HIP1: variants seen among roughly 807,000 people sequenced by gnomAD.
The protein encoded by HIP1 is huntingtin-interacting protein 1.
In HIP1, 65 loss-of-function variants were observed where a neutral mutation model predicts 147.6. The observed-to-expected ratio is 0.44, with a 90% CI of 0.36 to 0.54. HIP1 has a LOEUF of 0.54. Ranked by LOEUF, HIP1 falls within the 20% of genes least tolerant of loss-of-function variation. The probability of loss-of-function intolerance (pLI) is 0.00; values close to 1 mark genes in which losing one functional copy is unlikely to be tolerated. For synonymous variants in HIP1, 479 were observed against 504.0 expected (o/e 0.95, Z 0.67); for missense variants, 1,061 against 1,299.6 (o/e 0.82, Z 2.82).
At chr7:75,645,361 G>T (rs6975217) in intron 1 of HIP1, among the ~76,000 whole-genome samples, 1,659 of 152,066 alleles carry the variant, frequency 0.011, 35 homozygotes, top group African/African-American at 0.038. Context: ...CGAGTAGCTG[G>T]GATTATAGGC....
chr7:75,681,314 G>C (rs973236862), intron 1 of HIP1, among the ~76,000 whole-genome samples: 1 of 151,966 alleles, frequency 6.6e-6, no homozygotes, highest in African/African-American at 2.4e-5. Flanking sequence ...CCTGCAATAA[G>C]AAGCATCTTC....
chr7:75,581,624 T>C (rs1450508297), intron 6 of HIP1, among the ~76,000 whole-genome samples: 3 of 151,906 alleles, frequency 2.0e-5, no homozygotes, highest in African/African-American at 7.3e-5. Context: ...ACTAAAAATA[T>C]AAAAATTAGC....
intron 1 of HIP1, among the ~76,000 whole-genome samples, chr7:75,682,263 AT>A (rs1491075563): frequency 1.4e-5 from 2 of 147,982 alleles, no homozygotes; most frequent in African/African-American, 2.6e-5. Context: ...GCCTATCATC[AT>A]TTTTTTTTAA....
intron 1 of HIP1, among the ~76,000 whole-genome samples, chr7:75,667,909 AT>A (rs1399371464): frequency 1.3e-5 from 2 of 152,234 alleles, no homozygotes; most frequent in Non-Finnish European, 2.9e-5. Flanking sequence ...AGTGACTTTG[AT>A]TTTATAAAAC....
chr7:75,544,586 C>T, intron 27 of HIP1, 109 bp downstream of exon 27: 3 of 725,884 alleles, frequency 4.1e-6, no homozygotes, highest in South Asian at 1.5e-5. Context: ...TGGCCAAGTA[C>T]TCTCTAACTC....
chr7:75,547,004 G>A lies in HIP1; in HGVS notation c.2494C>T (p.Gln832Ter). The A allele has an allele frequency of 6.3e-7, 1 of 1,586,708 alleles. No homozygotes were observed. Among genetic ancestry groups the A allele is most frequent in the South Asian group, 1.2e-5 (1 of 86,788 alleles). Residue 832 changes from glutamine to a stop codon, truncating the protein, a stop_gained, in exon 25 of 31, where the codon CAA (glutamine) becomes TAA (stop). Coordinates refer to ENST00000336926, the MANE Select transcript of HIP1 (RefSeq NM_005338.7). LOFTEE classifies it high-confidence loss of function. ...RILGCCTSLM[Q>*]AIQVLIVASK... ...GCCACGATGAGCACCTGAATAGCTT[G>A]CATGAGGCTGGTACAGCAACCAAGG...
chr7:75,623,990 A>G (rs1797944844), intron 1 of HIP1, among the ~76,000 whole-genome samples: 1 of 152,138 alleles, frequency 6.6e-6, no homozygotes, highest in Non-Finnish European at 1.5e-5. Context: ...TGAGGGCAGG[A>G]GGATCACTCG....
chr7:75,551,384 T>G (rs1281850488), intron 22 of HIP1, among the ~76,000 whole-genome samples: 1 of 151,070 alleles, frequency 6.6e-6, no homozygotes, highest in Non-Finnish European at 1.5e-5. Flanking sequence ...ACTGGCTAAT[T>G]TTGTATTTTT....
chr7:75,714,204 T>G, intron 1 of HIP1, among the ~76,000 whole-genome samples: 1 of 151,022 alleles, frequency 6.6e-6, no homozygotes, highest in East Asian at 2.0e-4. Flanking sequence ...CATGCCCGGC[T>G]AATTTTTGTA....
chr7:75,607,233 GT>G (rs375132943), intron 1 of HIP1, among the ~76,000 whole-genome samples: 43 of 135,004 alleles, frequency 3.2e-4, no homozygotes, highest in Middle Eastern at 3.8e-3. Flanking sequence ...TTTTTGTTTT[GT>G]TTTTTTTTTT....
At chr7:75,696,441 T>C (rs911060850) in intron 1 of HIP1, among the ~76,000 whole-genome samples, 26 of 152,074 alleles carry the variant, frequency 1.7e-4, no homozygotes, top group Non-Finnish European at 1.9e-4. Context: ...GCCATTCTGC[T>C]ACTTTAGCTA....
At chr7:75,552,958 G>A (rs1422178153) in intron 22 of HIP1, among the ~76,000 whole-genome samples, 2 of 143,994 alleles carry the variant, frequency 1.4e-5, no homozygotes, top group African/African-American at 5.2e-5. Flanking sequence ...TTTTTTTTTC[G>A]AGATAGATCT....
intron 1 of HIP1, among the ~76,000 whole-genome samples, chr7:75,707,894 C>G (rs1230595252): frequency 5.4e-5 from 7 of 129,820 alleles, no homozygotes; most frequent in African/African-American, 2.1e-4. Flanking sequence ...ACTGGCTAGC[C>G]ATATGTAGAA....
In HIP1 at chr7:75,553,720, C is replaced by G. The variant is rs145671932; in HGVS notation, c.2159-131G>C. On this transcript the variant is annotated intron_variant, in intron 21 of 30. Transcript: ENST00000336926. Reference sequence around the variant, plus strand: ...TCCTGAGTTCAAGCGATTCTCCTGCCTCGGCCTCCCAAGTAGCTGGGATTA... The same window carrying G: ...TCCTGAGTTCAAGCGATTCTCCTGCGTCGGCCTCCCAAGTAGCTGGGATTA... The G allele has an allele frequency of 4.9e-6, 4 of 808,288 alleles. No homozygotes were observed. The African/African-American group carries it at 6.9e-5, about 14-fold the overall frequency. 50.1% of individuals were successfully genotyped at this position (808,288 alleles called of 1,614,324 possible). A position where few individuals can be genotyped will look rare whatever the true frequency, so the allele number is the denominator to read the frequency against.
At chr7:75,561,667 C>G (rs1795233633) in intron 12 of HIP1, among the ~76,000 whole-genome samples, 2 of 151,994 alleles carry the variant, frequency 1.3e-5, no homozygotes, top group South Asian at 4.1e-4. Flanking sequence ...GTTTTAGAGA[C>G]AGTCTGGCTT....
chr7:75,617,701 C>T (rs944189844), intron 1 of HIP1, among the ~76,000 whole-genome samples: 5 of 152,168 alleles, frequency 3.3e-5, no homozygotes, highest in Admixed American at 2.0e-4. Flanking sequence ...AAAGGAGAAG[C>T]GGGCCCATAT....
At chr7:75,712,832 A>C (rs145551154) in intron 1 of HIP1, among the ~76,000 whole-genome samples, 65 of 152,150 alleles carry the variant, frequency 4.3e-4, no homozygotes, top group Middle Eastern at 6.8e-3. Flanking sequence ...GCATTCAGTC[A>C]CTCATCCATT....
intron 7 of HIP1, among the ~76,000 whole-genome samples, chr7:75,577,067 C>T (rs1795869274): frequency 6.6e-6 from 1 of 152,084 alleles, no homozygotes; most frequent in African/African-American, 2.4e-5. Context: ...GTTGGTGGCT[C>T]ATGCCTATAA....
At chr7:75,671,892 G>A (rs1003669517) in intron 1 of HIP1, among the ~76,000 whole-genome samples, 3 of 152,002 alleles carry the variant, frequency 2.0e-5, no homozygotes, top group Non-Finnish European at 2.9e-5. Flanking sequence ...GCGTCACCAT[G>A]CCTGGCTAAT....
Sources: allele counts gnomAD v4.1 joint callset (sites outside exome capture counted in the v4.1 genomes callset), GRCh38; gene constraint gnomAD v4.1.1; transcripts MANE v1.5; gene names NCBI Gene and HGNC (gene_info 2026-07-23, HGNC 2026-07-21).